TERF2: variants seen among roughly 807,000 people sequenced by gnomAD.
TERF2 encodes the protein telomeric repeat binding factor 2.
Under a neutral mutation model 56.1 loss-of-function variants are expected in TERF2, and 16 were observed. The observed-to-expected ratio is 0.29, with a 90% CI of 0.19 to 0.43. TERF2 has a LOEUF of 0.43. TERF2 is among the 20% of genes least tolerant of loss of function. TERF2 has a pLI of 1.00. For synonymous variants in TERF2, 296 were observed against 282.1 expected (o/e 1.05, Z -0.50); for missense variants, 547 against 712.9 (o/e 0.77, Z 2.65).
At chr16:69,358,812 A>G (rs1255717070) in intron 8 of TERF2, among the ~76,000 whole-genome samples, 1 of 152,250 alleles carries the variant, frequency 6.6e-6, no homozygotes, top group Non-Finnish European at 1.5e-5. Context: ...TAAAAGTAAC[A>G]AACATGTATT....
chr16:69,380,941 A>G (rs1217168469), intron 3 of TERF2, among the ~76,000 whole-genome samples: 5 of 150,818 alleles, frequency 3.3e-5, no homozygotes, highest in Admixed American at 6.6e-5. Context: ...AGCTGGGATT[A>G]CAGGTGCCCA....
chr16:69,363,109 C>T (rs1387465915), intron 7 of TERF2, among the ~76,000 whole-genome samples: 2 of 152,186 alleles, frequency 1.3e-5, no homozygotes, highest in Non-Finnish European at 2.9e-5. Flanking sequence ...GAATAATTTA[C>T]TTGAGACAAA....
chr16:69,370,984 T>G (rs1205352336), intron 4 of TERF2, among the ~76,000 whole-genome samples: 1 of 144,940 alleles, frequency 6.9e-6, no homozygotes, highest in South Asian at 2.3e-4. Context: ...TGGATCTATG[T>G]GGATGTCTGT....
chr16:69,373,276 GTAAGA>G (rs1195845511), intron 3 of TERF2, among the ~76,000 whole-genome samples: 1 of 152,020 alleles, frequency 6.6e-6, no homozygotes, highest in African/African-American at 2.4e-5. Context: ...AAAGTTCCAG[GTAAGA>G]TAAGGTCTCA....
intron 3 of TERF2, among the ~76,000 whole-genome samples, chr16:69,376,293 G>T (rs949022622): frequency 6.6e-6 from 1 of 152,076 alleles, no homozygotes; most frequent in Non-Finnish European, 1.5e-5. Flanking sequence ...AATACCATTT[G>T]TTGAAAAGAC....
chr16:69,373,982 C>T (rs1290219237), intron 3 of TERF2, among the ~76,000 whole-genome samples: 1 of 152,200 alleles, frequency 6.6e-6, no homozygotes, highest in Non-Finnish European at 1.5e-5. Context: ...TAAGCACAGC[C>T]ATACAGGGCG....
chr16:69,360,705 C>CAAA (rs1204701669), intron 8 of TERF2, among the ~76,000 whole-genome samples: 1,068 of 65,194 alleles, frequency 0.016, 48 homozygotes, highest in African/African-American at 0.059. Context: ...GACCCTGTCT[C>CAAA]AAAAAAAAAA....
intron 5 of TERF2, 172 bp downstream of exon 5, chr16:69,370,311 G>A (rs1359516092): frequency 2.8e-5 from 25 of 890,656 alleles, no homozygotes; most frequent in South Asian, 1.3e-4. Context: ...GATTACAGGC[G>A]TGAGCCATTG....
intron 7 of TERF2, among the ~76,000 whole-genome samples, chr16:69,363,022 A>C (rs572162894): frequency 3.3e-5 from 5 of 152,352 alleles, no homozygotes; most frequent in Non-Finnish European, 5.9e-5. Context: ...AAATTACTTA[A>C]CTAAGTGGCT....
chr16:69,358,055 C>T (rs2012983311), intron 8 of TERF2, among the ~76,000 whole-genome samples: 1 of 151,422 alleles, frequency 6.6e-6, no homozygotes, highest in Non-Finnish European at 1.5e-5. Context: ...CTCTGTCGCC[C>T]AGGCTGGAGT....
chr16:69,378,827 T>C (rs2013888705), intron 3 of TERF2, among the ~76,000 whole-genome samples: 1 of 152,180 alleles, frequency 6.6e-6, no homozygotes, highest in Admixed American at 6.6e-5. Context: ...GGAACACATA[T>C]CCTTCTATAT....
chr16:69,376,209 T>G (rs2013772008), intron 3 of TERF2, among the ~76,000 whole-genome samples: 1 of 152,244 alleles, frequency 6.6e-6, no homozygotes, highest in Admixed American at 6.5e-5. Context: ...AGATTATAAT[T>G]TTGAGTTAAT....
At position 69,367,061 on chromosome 16, in the gene TERF2, G is replaced by A. The variant is rs147312542; in HGVS notation, c.1086C>T (p.Leu362=). 1,265 of 1,614,082 alleles carry A rather than the reference G, an allele frequency of 7.8e-4. No individual in the cohort carries two copies. Among genetic ancestry groups the A allele is most frequent in the Non-Finnish European group, 1.0e-3 (1,208 of 1,180,048 alleles). The change falls in exon 7 of 10, where the codon CTC becomes CTT. Residue 362 remains leucine, a synonymous_variant. Transcript: ENST00000254942. ...TGTTTTTGAGGGCTGGTGATGCTGG[G>A]AGAGCTTGAGTAGGAAGAACCAGAT... is the stretch of plus-strand genomic sequence containing the variant. ...QKDLVLPTQA[L]PASPALKNKR... is the part of the protein sequence containing the mutation.
At chr16:69,374,215 T>C (rs1343036073) in intron 3 of TERF2, among the ~76,000 whole-genome samples, 1 of 152,224 alleles carries the variant, frequency 6.6e-6, no homozygotes, top group Non-Finnish European at 1.5e-5. Context: ...TTAACTTGCA[T>C]ACAACAAAAT....
intron 4 of TERF2, 29 bp from the exon 5 acceptor site, chr16:69,370,658 G>A (rs974325667): frequency 1.3e-6 from 2 of 1,575,538 alleles, no homozygotes; most frequent in South Asian, 1.2e-5. Flanking sequence ...TTTGCAACAT[G>A]AGAAAGTAGA....
At chr16:69,384,867 G>T in intron 2 of TERF2, 157 bp from the exon 3 acceptor site, 1 of 633,200 alleles carries the variant, frequency 1.6e-6, no homozygotes, top group Non-Finnish European at 2.4e-6. Flanking sequence ...TGACATACAC[G>T]ATAAGGGTCC....
rs562347121 is a variant in TERF2, at chr16:69,356,554, A to T, written c.*344T>A. ...GGTGGCTCATGCCTGTAATCCCAGC[A>T]CTTTGGGAGGCCGAGTTGGGTGGAT... On this transcript the variant is annotated 3_prime_UTR_variant, in exon 10 of 10. Transcript: ENST00000254942. The T allele has an allele frequency of 3.9e-6, 1 of 255,166 alleles. No individual in the cohort carries two copies. The highest frequency in any genetic ancestry group is 5.1e-5 in the Admixed American group (1 of 19,460). The allele number at this position is 255,166 out of a possible 1,614,324, so 15.8% of individuals were successfully genotyped here. A position where few individuals can be genotyped will look rare whatever the true frequency, so the allele number is the denominator to read the frequency against.
chr16:69,370,289 C>G, intron 5 of TERF2, 194 bp downstream of exon 5: 1 of 713,006 alleles, frequency 1.4e-6, no homozygotes, highest in East Asian at 2.9e-5. Flanking sequence ...CCTGGGCCTC[C>G]CAAAGTGCTG....
chr16:69,384,918 C>T (rs1477372630), intron 2 of TERF2, among the ~76,000 whole-genome samples: 1 of 152,144 alleles, frequency 6.6e-6, no homozygotes, highest in East Asian at 1.9e-4. Flanking sequence ...TTTTTTAACA[C>T]CTGTCAAGAC....
Sources: gnomAD v4.1 joint callset for allele counts (sites outside exome capture counted in the v4.1 genomes callset) on GRCh38, gnomAD v4.1.1 for gene constraint, MANE v1.5 for transcripts, NCBI Gene and HGNC (gene_info 2026-07-23, HGNC 2026-07-21) for gene names.